The following ANK1 variants were observed in gnomAD, a reference collection of about 807,000 sequenced individuals.
The protein encoded by ANK1 is ankyrin-1.
Under a neutral mutation model 210.4 loss-of-function variants are expected in ANK1, and 51 were observed. That is an observed-to-expected ratio of 0.24 (90% confidence interval 0.19 to 0.31). The LOEUF (loss-of-function observed/expected upper bound fraction) is 0.31. Among genes scored for constraint, ANK1 ranks in the 10% least tolerant of loss-of-function variants. The pLI, the probability that ANK1 is intolerant of heterozygous loss-of-function variation, is 1.00. For synonymous variants in ANK1, 967 were observed against 1,025.9 expected, an observed-to-expected ratio of 0.94 and a Z score of 1.10; for missense variants, 2,051 against 2,504.4, an observed-to-expected ratio of 0.82 and a Z score of 3.86.
chr8:41,661,775 C>A (rs1808316105), intron 41 of ANK1, 101 bp downstream of exon 41: 1 of 1,612,558 alleles, frequency 6.2e-7, no homozygotes, highest in Non-Finnish European at 8.5e-7. Context: ...GCGCTGGGTC[C>A]CCCAGGGCCG....
chr8:41,704,060 G>T lies in ANK1; in HGVS notation c.2276C>A (p.Ser759Tyr), dbSNP rs749236684. The T allele has an allele frequency of 6.8e-6, 11 of 1,614,116 alleles. No individual in the cohort carries two copies. The Admixed American group carries it at 1.2e-4, about 17-fold the overall frequency. The change falls in exon 20 of 43, where the codon TCC (serine) becomes TAC (tyrosine). Residue 759 changes from serine (S) to tyrosine (Y), a missense_variant. Physicochemically the swap from Ser to Tyr is moderately radical, Grantham distance 144. Around this residue, in one of 6 missense-constraint regions of ANK1, gnomAD observed 1,413 missense variants for 1,707.4 expected, o/e 0.83. Coordinates refer to ENST00000289734, the MANE Select transcript of ANK1 (RefSeq NM_000037.4). The surrounding 1 kb of genome is among the most constrained non-coding windows in gnomAD (Gnocchi z 4.1). ...IVTLLLKNGA[S>Y]PNEVSSDGTT... ...ACTCACCGAGCTGACCTCGTTTGGG[G>T]AAGCACCGTTTTTCAGAAGCAGAGT...
Position 41,701,566 on chromosome 8 carries a change from A to G in ANK1, c.2445T>C (p.Asp815=). The change falls in exon 22 of 43, where the codon GAT becomes GAC. Residue 815 remains aspartate, a synonymous_variant. Transcript: ENST00000289734. ...SFPETVDEIL[D]VSEDEGEELI... ...CAACGTTACCTTCATCTTCCGAGAC[A>G]TCCAGGATCTCATCAACTGTCTCAG... 1 of 1,614,184 alleles carries G rather than the reference A, an allele frequency of 6.2e-7. No homozygotes were observed. The highest frequency in any genetic ancestry group is 8.5e-7 in the Non-Finnish European group (1 of 1,180,036).
At chr8:41,881,128 T>G (rs1351987266) in intron 1 of ANK1, among the ~76,000 whole-genome samples, 1 of 152,224 alleles carries the variant, frequency 6.6e-6, no homozygotes, top group Non-Finnish European at 1.5e-5. Context: ...AGATGGCAGT[T>G]TCCTCATGAA....
chr8:41,857,559 A>G (rs965546368), intron 1 of ANK1, among the ~76,000 whole-genome samples: 2 of 151,716 alleles, frequency 1.3e-5, no homozygotes, highest in African/African-American at 4.8e-5. Flanking sequence ...ACCAACATGG[A>G]GAAAGTCCGT....
At chr8:41,896,299 C>A in intron 1 of ANK1, 5 of 1,566,504 alleles carry the variant, frequency 3.2e-6, no homozygotes, top group Middle Eastern at 1.7e-4. Flanking sequence ...CCCCTGCCCC[C>A]AGCAGCCACT....
chr8:41,737,799 A>G (rs1833803423), intron 2 of ANK1, among the ~76,000 whole-genome samples: 1 of 152,168 alleles, frequency 6.6e-6, no homozygotes, highest in South Asian at 2.1e-4. Context: ...CGGGAATGCA[A>G]TGCCTGTAAA....
Position 41,672,424 on chromosome 8 carries a change from G to A in ANK1, c.5026C>T (p.His1676Tyr). 1 of 1,614,192 alleles carries A rather than the reference G, an allele frequency of 6.2e-7. No homozygotes were observed. The highest frequency in any genetic ancestry group is 8.5e-7 in the Non-Finnish European group (1 of 1,180,038). ...GTGATTCGGGCTTGCCCCCTCTGAT[G>A]GCCTGAAACAAGAGACACTTCATTC... ...SENEVSLVSG[H>Y]QRGQARITHS... Residue 1676 changes from histidine (H) to tyrosine (Y), a missense_variant, in exon 38 of 43, where the codon CAT becomes TAT. Physicochemically the swap from His to Tyr is moderately conservative, Grantham distance 83. Transcript: ENST00000289734.
At chr8:41,723,387 C>A (rs562214725) in intron 8 of ANK1, 148 bp downstream of exon 8, 2 of 1,149,994 alleles carry the variant, frequency 1.7e-6, no homozygotes, top group Non-Finnish European at 2.6e-6. Flanking sequence ...CCACTGCACG[C>A]GGCACTGCCC....
chr8:41,709,062 T>C, intron 16 of ANK1, 87 bp from the exon 17 acceptor site: 1 of 1,535,064 alleles, frequency 6.5e-7, no homozygotes, highest in African/African-American at 1.4e-5. Context: ...AGTCTGGTTC[T>C]TGGCCGGCTG....
chr8:41,736,054 C>G (rs1353811142), intron 2 of ANK1, among the ~76,000 whole-genome samples: 1 of 152,170 alleles, frequency 6.6e-6, no homozygotes, highest in Non-Finnish European at 1.5e-5. Context: ...TTTTGCACAC[C>G]ATTCAGTGAA....
chr8:41,782,139 T>C (rs146933427), intron 1 of ANK1, among the ~76,000 whole-genome samples: 32 of 152,338 alleles, frequency 2.1e-4, no homozygotes, highest in Admixed American at 3.3e-4. Flanking sequence ...CCATCTCACT[T>C]GGGCCCGGGG....
intron 1 of ANK1, among the ~76,000 whole-genome samples, chr8:41,892,470 T>C (rs985512622): frequency 6.6e-6 from 1 of 152,198 alleles, no homozygotes; most frequent in Non-Finnish European, 1.5e-5. Context: ...CATCCCTCCT[T>C]GTGAGTGCCT....
At chr8:41,850,219 G>A (rs57256805) in intron 1 of ANK1, among the ~76,000 whole-genome samples, 21,228 of 152,146 alleles carry the variant, frequency 0.14, 2,172 homozygotes, top group East Asian at 0.6. Flanking sequence ...CAGTGCAGCC[G>A]TCGTTTAGCC....
chr8:41,675,456 C>T (rs1211928884), intron 37 of ANK1, among the ~76,000 whole-genome samples: 1 of 152,182 alleles, frequency 6.6e-6, no homozygotes, highest in Non-Finnish European at 1.5e-5. Context: ...ACAACAACCA[C>T]ATGAGGAAAA....
At position 41,698,046 on chromosome 8, in the gene ANK1, C is replaced by T; in HGVS notation, c.2634G>A (p.Glu878=). The T allele has an allele frequency of 6.2e-7, 1 of 1,614,128 alleles. No homozygotes were observed. Among genetic ancestry groups the T allele is most frequent in the Non-Finnish European group, 8.5e-7 (1 of 1,180,028 alleles). The change falls in exon 24 of 43, where the codon GAG becomes GAA. Residue 878 remains glutamate, a synonymous_variant. Transcript: ENST00000289734. ...CCACAGAGAAGGAGCTTCTCACCTG[C>T]TCCTGCTCTTCTGACCTGATCACCA... ...ETVVIRSEEQ[E]QASKEYDEDS...
At position 41,688,491 on chromosome 8, in the gene ANK1, T is replaced by A. The variant is rs1324019344; in HGVS notation, c.4183+20A>T. On this transcript the variant is annotated intron_variant, in intron 34 of 42. Transcript: ENST00000289734. ...TTCTTGGGAAGGGAGCAAGCATGCA[T>A]CATCACACAGAGGCCGTACCTGGTG... 1 of 1,611,934 alleles carries A rather than the reference T, an allele frequency of 6.2e-7. No homozygotes were observed. The highest frequency in any genetic ancestry group is 8.5e-7 in the Non-Finnish European group (1 of 1,178,142).
intron 1 of ANK1, among the ~76,000 whole-genome samples, chr8:41,776,995 C>A (rs1280805504): frequency 6.6e-6 from 1 of 152,220 alleles, no homozygotes; most frequent in Non-Finnish European, 1.5e-5. Flanking sequence ...GAACCATTTT[C>A]TTTCTGTTTA....
intron 1 of ANK1, among the ~76,000 whole-genome samples, chr8:41,847,023 A>C (rs1810193724): frequency 6.6e-6 from 1 of 152,252 alleles, no homozygotes. Flanking sequence ...TGAGGCCAGA[A>C]ACAAAAGCAA....
chr8:41,683,837 G>A (rs994016339), intron 37 of ANK1, among the ~76,000 whole-genome samples: 1 of 152,200 alleles, frequency 6.6e-6, no homozygotes, highest in Admixed American at 6.5e-5. Context: ...CCTGGCCCAG[G>A]AGTGGCAGGG....
Sources: gnomAD v4.1 joint callset for allele counts (sites outside exome capture counted in the v4.1 genomes callset) on GRCh38, gnomAD v4.1.1 for gene constraint, gnomAD v4.1.1 regional missense constraint, Gnocchi (gnomAD v3.1) non-coding constraint, MANE v1.5 for transcripts, NCBI Gene and HGNC (gene_info 2026-07-23, HGNC 2026-07-21) for gene names.